DYNC1I1: variants seen among roughly 807,000 people sequenced by gnomAD.
The protein encoded by DYNC1I1 is cytoplasmic dynein 1 intermediate chain 1.
DYNC1I1 carries 43 observed loss-of-function variants against 86.6 expected under a neutral mutation model. The observed-to-expected ratio is 0.50, with a 90% CI of 0.39 to 0.64. The LOEUF is 0.64. DYNC1I1 is among the 30% of genes least tolerant of loss of function. The pLI is 0.00. For missense variants in DYNC1I1, 604 were observed against 788.8 expected (o/e 0.77, Z 2.81); for synonymous variants, 262 against 283.7 (o/e 0.92, Z 0.77).
chr7:95,985,624 C>T lies in DYNC1I1; in HGVS notation c.743+647C>T, dbSNP rs575451249. 3.9e-5 allele frequency among the ~76,000 whole-genome samples: 6 copies of T among 152,180 alleles called. No homozygotes were observed. The East Asian group carries it at 1.2e-3, about 29-fold the overall frequency. On this transcript the variant is annotated intron_variant, in intron 8 of 16. Transcript: ENST00000447467. ...GGAGAATAGGAGGGACTATATGAGC[C>T]TTATAAACATAAATATAGCTGTTCT...
At chr7:95,839,205 A>G (rs1211767973) in intron 5 of DYNC1I1, among the ~76,000 whole-genome samples, 1 of 151,896 alleles carries the variant, frequency 6.6e-6, no homozygotes, top group South Asian at 2.1e-4. Context: ...TAATTTTTGT[A>G]TTTTTAGTAG....
chr7:95,873,547 G>A (rs1043674817), intron 6 of DYNC1I1, among the ~76,000 whole-genome samples: 1 of 152,164 alleles, frequency 6.6e-6, no homozygotes, highest in African/African-American at 2.4e-5. Flanking sequence ...CTTTCTTAAG[G>A]TAGCGAGTAC....
Position 96,085,869 on chromosome 7 carries a change from A to G in DYNC1I1, c.1776+5381A>G, listed in dbSNP as rs115484110. Among the ~76,000 whole-genome samples the G allele has an allele frequency of 6.7e-3, 1,011 of 151,620 alleles. 9 individuals are homozygous for G. The highest frequency in any genetic ancestry group is 0.023 in the African/African-American group (967 of 41,464). Reference sequence around the variant, plus strand: ...AGGATTCCATTCAATTAAATGAAACATGGGTAGGATAATAAGTCAAAAATT... The same window carrying G: ...AGGATTCCATTCAATTAAATGAAACGTGGGTAGGATAATAAGTCAAAAATT... On this transcript the variant is annotated intron_variant, in intron 16 of 16. Transcript: ENST00000447467.
At chr7:95,962,721 A>G (rs138568602) in intron 6 of DYNC1I1, among the ~76,000 whole-genome samples, 1 of 152,316 alleles carries the variant, frequency 6.6e-6, no homozygotes, top group African/African-American at 2.4e-5. Flanking sequence ...AAGCTGAAGA[A>G]CTTATTGTTT....
intron 6 of DYNC1I1, among the ~76,000 whole-genome samples, chr7:95,916,446 A>G (rs1791469440): frequency 6.6e-6 from 1 of 152,186 alleles, no homozygotes; most frequent in Non-Finnish European, 1.5e-5. Context: ...TAAAGGGGAA[A>G]ATTTTGTTTA....
At position 96,097,762 on chromosome 7, in the gene DYNC1I1, C is replaced by G; in HGVS notation, c.*169C>G. ...AGTATTCTAAATGTGTCCCATCATG[C>G]TTTCCACTGACCCAAAATTCACCAC... On this transcript the variant is annotated 3_prime_UTR_variant, in exon 17 of 17. Transcript: ENST00000447467. 1 of 1,327,718 alleles carries G rather than the reference C, an allele frequency of 7.5e-7. No homozygotes were observed. The highest frequency in any genetic ancestry group is 1.5e-5 in the African/African-American group (1 of 67,800). The allele number at this position is 1,327,718 out of a possible 1,614,324, so 82.2% of individuals were successfully genotyped here.
At chr7:95,865,656 T>C (rs60550795) in intron 5 of DYNC1I1, among the ~76,000 whole-genome samples, 3,294 of 152,330 alleles carry the variant, frequency 0.022, 123 homozygotes, top group African/African-American at 0.075. Context: ...TAATACTGTA[T>C]ACTTACTGTA....
intron 6 of DYNC1I1, among the ~76,000 whole-genome samples, chr7:95,969,258 G>A (rs1324858912): frequency 6.6e-6 from 1 of 152,104 alleles, no homozygotes; most frequent in African/African-American, 2.4e-5. Context: ...ATCTAAGACT[G>A]AAGATAAGGA....
chr7:95,997,238 A>G (rs1793888677), intron 10 of DYNC1I1, among the ~76,000 whole-genome samples: 1 of 152,020 alleles, frequency 6.6e-6, no homozygotes. Flanking sequence ...AAGATTTTCA[A>G]GTCAGCTTGA....
intron 6 of DYNC1I1, among the ~76,000 whole-genome samples, chr7:95,964,096 A>C (rs573686162): frequency 6.6e-6 from 1 of 152,330 alleles, no homozygotes; most frequent in African/African-American, 2.4e-5. Flanking sequence ...CCAGGATAAA[A>C]GCAAACAAAT....
intron 14 of DYNC1I1, among the ~76,000 whole-genome samples, chr7:96,058,607 A>G (rs1789656201): frequency 6.6e-6 from 1 of 152,076 alleles, no homozygotes; most frequent in African/African-American, 2.4e-5. Flanking sequence ...GTGGGAAGAA[A>G]CAGTGTGGAA....
chr7:95,803,837 A>G (rs1364668110), intron 1 of DYNC1I1, among the ~76,000 whole-genome samples: 1 of 152,224 alleles, frequency 6.6e-6, no homozygotes, highest in Non-Finnish European at 1.5e-5. Context: ...GGAGCACAAA[A>G]GACTCAAATA....
intron 7 of DYNC1I1, among the ~76,000 whole-genome samples, chr7:95,981,375 A>G (rs537578805): frequency 6.6e-6 from 1 of 152,096 alleles, no homozygotes; most frequent in Non-Finnish European, 1.5e-5. Flanking sequence ...ATTTTCATAT[A>G]AAAAATAAGA....
At chr7:95,915,988 A>G (rs551993313) in intron 6 of DYNC1I1, among the ~76,000 whole-genome samples, 24 of 152,314 alleles carry the variant, frequency 1.6e-4, no homozygotes, top group Admixed American at 6.5e-4. Context: ...TTTGCCTTCA[A>G]GTAAATACCT....
chr7:95,867,432 C>G (rs1182289527), intron 5 of DYNC1I1, among the ~76,000 whole-genome samples: 1 of 152,200 alleles, frequency 6.6e-6, no homozygotes, highest in Non-Finnish European at 1.5e-5. Context: ...AAGTTTTCCC[C>G]TACCATTCAG....
At chr7:95,931,407 T>C (rs319311) in intron 6 of DYNC1I1, among the ~76,000 whole-genome samples, 124,445 of 152,172 alleles carry the variant, frequency 0.82, 51,293 homozygotes, top group East Asian at 0.93. Flanking sequence ...ACTCGGCCTC[T>C]CAAAGTGCTG....
At chr7:95,818,883 A>G (rs1239254683) in intron 4 of DYNC1I1, 1 of 193,112 alleles carries the variant, frequency 5.2e-6, no homozygotes, top group Non-Finnish European at 1.0e-5. Context: ...TTATATTTCA[A>G]TGTATTTTCA....
At chr7:96,028,741 G>A (rs1159097768) in intron 11 of DYNC1I1, among the ~76,000 whole-genome samples, 4 of 152,218 alleles carry the variant, frequency 2.6e-5, no homozygotes, top group Non-Finnish European at 4.4e-5. Flanking sequence ...TTCCATGTGT[G>A]ATTTGAGAGA....
chr7:95,850,462 T>C (rs562711993), intron 5 of DYNC1I1, among the ~76,000 whole-genome samples: 4 of 152,326 alleles, frequency 2.6e-5, no homozygotes, highest in Non-Finnish European at 5.9e-5. Flanking sequence ...ATTGAAATGA[T>C]CATAAAAGTT....
Sources: allele counts gnomAD v4.1 joint callset (sites outside exome capture counted in the v4.1 genomes callset), GRCh38; gene constraint gnomAD v4.1.1; transcripts MANE v1.5; gene names NCBI Gene and HGNC (gene_info 2026-07-23, HGNC 2026-07-21).